ITGA9: variants seen among roughly 807,000 people sequenced by gnomAD.
ITGA9 encodes integrin subunit alpha 9.
Under a neutral mutation model 127.8 loss-of-function variants are expected in ITGA9, and 56 were observed. The ratio of observed to expected loss-of-function variants is 0.44; its 90% CI spans 0.35 to 0.55. The LOEUF (loss-of-function observed/expected upper bound fraction) is 0.55. ITGA9 is among the 20% of genes least tolerant of loss of function. The pLI is 0.00. For missense variants in ITGA9, 1,196 were observed against 1,347.1 expected, an observed-to-expected ratio of 0.89 and a Z score of 1.76; for synonymous variants, 508 against 514.5, an observed-to-expected ratio of 0.99 and a Z score of 0.17.
intron 14 of ITGA9, among the ~76,000 whole-genome samples, chr3:37,537,074 A>G (rs1464199301): frequency 1.3e-5 from 2 of 152,232 alleles, no homozygotes; most frequent in African/African-American, 2.4e-5. Flanking sequence ...GTTCAAGGTT[A>G]TACTTCGGGT....
Position 37,519,353 on chromosome 3 carries a change from T to C in ITGA9, c.1235T>C (p.Met412Thr). ...GGTGGGATAGTCCCTCAGTACTCAA[T>C]GGTAATTAGTGTGAGAGTGATATGG... ...DAGGIVPQYS[M>T]KLSGQKINPV... The change falls in exon 11 of 28, where the codon ATG (methionine) becomes ACG (threonine). Residue 412 changes from methionine to threonine, a missense_variant and splice_region_variant. Met to Thr is a moderately conservative substitution (Grantham distance 81, BLOSUM62 -1). Transcript: ENST00000264741. 1 of 1,609,630 alleles carries C rather than the reference T, an allele frequency of 6.2e-7. No homozygotes were observed. The highest frequency in any genetic ancestry group is 1.3e-5 in the African/African-American group (1 of 74,946).
intron 25 of ITGA9, 37 bp downstream of exon 25, chr3:37,780,058 G>A (rs1696958382): frequency 7.4e-6 from 12 of 1,611,542 alleles, no homozygotes; most frequent in Non-Finnish European, 1.0e-5. Context: ...GATGCATTTA[G>A]AAGCATTTGA....
chr3:37,653,794 T>G lies in ITGA9; in HGVS notation c.1916+4T>G, dbSNP rs1335901415. ...AGGGTAAACTGCTGCTCTCCAGGTATGTCGGTGTTTCCTTCAGAGCATTGT... is the reference window on the plus strand; with the variant it reads ...AGGGTAAACTGCTGCTCTCCAGGTAGGTCGGTGTTTCCTTCAGAGCATTGT... On this transcript the variant is annotated splice_donor_region_variant and intron_variant, in intron 17 of 27. Coordinates refer to ENST00000264741, the MANE Select transcript of ITGA9 (RefSeq NM_002207.3). 1 of 1,609,624 alleles carries G rather than the reference T, an allele frequency of 6.2e-7. No homozygotes were observed. Among genetic ancestry groups the G allele is most frequent in the African/African-American group, 1.3e-5 (1 of 74,814 alleles).
At chr3:37,470,502 G>A (rs1245259496) in intron 1 of ITGA9, among the ~76,000 whole-genome samples, 2 of 152,150 alleles carry the variant, frequency 1.3e-5, no homozygotes, top group Admixed American at 1.3e-4. Context: ...CTTTTGTGAA[G>A]TATCTATGCT....
rs75287787 is a variant in ITGA9, at chr3:37,732,133, C to T, written c.2068-579C>T. Among the ~76,000 whole-genome samples the T allele has an allele frequency of 1.9e-3, 284 of 152,338 alleles. 2 individuals are homozygous for T. Among genetic ancestry groups the T allele is most frequent in the African/African-American group, 4.2e-3 (176 of 41,580 alleles). On this transcript the variant is annotated intron_variant, in intron 18 of 27. Transcript: ENST00000264741. The stretch of plus-strand genomic sequence containing the variant: ...AGCAGTTCCCTACAGCCTTTCTCTT[C>T]TGTTTCTCTCAAGTCGCTGTGTGCA...
chr3:37,504,405 T>C (rs1698819427), intron 6 of ITGA9, among the ~76,000 whole-genome samples: 1 of 152,102 alleles, frequency 6.6e-6, no homozygotes, highest in Admixed American at 6.5e-5. Context: ...GGTATGAGCT[T>C]GTGGTTTCTG....
At chr3:37,580,772 A>G (rs1276947898) in intron 15 of ITGA9, among the ~76,000 whole-genome samples, 1 of 152,142 alleles carries the variant, frequency 6.6e-6, no homozygotes, top group Non-Finnish European at 1.5e-5. Context: ...AAGGAATCCT[A>G]GGGGCTTCCT....
chr3:37,684,108 G>C lies in ITGA9; in HGVS notation c.2067+93G>C, dbSNP rs912577913. ...CCTGGAATAGGCAATGATTCTACAA[G>C]CACTAATCCTTTCTGTGGACTATCA... is the stretch of plus-strand genomic sequence containing the variant. On this transcript the variant is annotated intron_variant, in intron 18 of 27. Transcript: ENST00000264741. The C allele has an allele frequency of 5.6e-6, 6 of 1,071,314 alleles. No individual in the cohort carries two copies. The African/African-American group carries it at 9.3e-5, about 17-fold the overall frequency. The allele number at this position is 1,071,314 out of a possible 1,614,324, so 66.4% of individuals were successfully genotyped here. A position where few individuals can be genotyped will look rare whatever the true frequency, so the allele number is the denominator to read the frequency against.
At chr3:37,680,567 G>A (rs1700726018) in intron 17 of ITGA9, among the ~76,000 whole-genome samples, 1 of 152,142 alleles carries the variant, frequency 6.6e-6, no homozygotes, top group African/African-American at 2.4e-5. Context: ...TTACATATAA[G>A]GAAAGGAAGC....
chr3:37,699,164 C>T (rs377395821), intron 18 of ITGA9, among the ~76,000 whole-genome samples: 3 of 152,262 alleles, frequency 2.0e-5, no homozygotes, highest in South Asian at 2.1e-4. Context: ...TCTGTGTATA[C>T]GCATTCCCTG....
chr3:37,516,766 G>T (rs954590170), intron 9 of ITGA9, among the ~76,000 whole-genome samples: 2 of 152,200 alleles, frequency 1.3e-5, no homozygotes, highest in South Asian at 4.2e-4. Context: ...ATCTTCTCAT[G>T]TCTCAGGACA....
chr3:37,689,230 G>A (rs1384178902), intron 18 of ITGA9, among the ~76,000 whole-genome samples: 2 of 152,194 alleles, frequency 1.3e-5, no homozygotes, highest in Admixed American at 1.3e-4. Flanking sequence ...GGATTTTTCT[G>A]TCTTCTAATG....
In ITGA9 at chr3:37,741,742, G is replaced by A. The variant is rs1476701981; in HGVS notation, c.2247G>A (p.Glu749=). The change falls in exon 21 of 28, where the codon GAG becomes GAA. Residue 749 remains glutamate, a synonymous_variant. Coordinates refer to ENST00000264741, the MANE Select transcript of ITGA9 (RefSeq NM_002207.3). The part of the protein sequence containing the change: ...FIVTAQSGNT[E]RSESLHDNTL... ...TCTCTCTGCACAGTGGCAACACGGA[G>A]CGCTCTGAATCCCTGCATGACAACA... The A allele has an allele frequency of 6.2e-7, 1 of 1,613,674 alleles. No individual in the cohort carries two copies. Among genetic ancestry groups the A allele is most frequent in the Admixed American group, 1.7e-5 (1 of 59,974 alleles).
intron 4 of ITGA9, among the ~76,000 whole-genome samples, chr3:37,489,315 T>A (rs1698642824): frequency 6.6e-6 from 1 of 152,242 alleles, no homozygotes; most frequent in South Asian, 2.1e-4. Flanking sequence ...CAGAAGCAGA[T>A]CAGAAGTTGG....
intron 15 of ITGA9, among the ~76,000 whole-genome samples, chr3:37,576,689 C>T (rs7613065): frequency 0.057 from 8,715 of 152,278 alleles, 320 homozygotes; most frequent in Non-Finnish European, 0.084. Flanking sequence ...TCACTGCAAC[C>T]TCCGCCTCCC....
chr3:37,471,124 C>T lies in ITGA9; in HGVS notation c.303C>T (p.Asp101=), dbSNP rs745721485. The stretch of plus-strand genomic sequence containing the variant: ...CTGACCGGAGATGCACCGAACTGGA[C>T]ATGGCTCGAGGTGGGTGACCATTAC... ...TNPDRRCTEL[D]MARGKNRGTS... The change falls in exon 2 of 28, where the codon GAC becomes GAT. Residue 101 remains aspartate (D), a synonymous_variant. Transcript: ENST00000264741. 6.2e-7 allele frequency: 1 copy of T among 1,614,010 alleles called. No individual in the cohort carries two copies. The highest frequency in any genetic ancestry group is 8.5e-7 in the Non-Finnish European group (1 of 1,179,972).
At chr3:37,779,835 T>A in intron 24 of ITGA9, 67 bp from the exon 25 acceptor site, 1 of 1,543,472 alleles carries the variant, frequency 6.5e-7, no homozygotes, top group East Asian at 2.3e-5. Flanking sequence ...CCCACTACTC[T>A]GTAAATTGTT....
intron 15 of ITGA9, among the ~76,000 whole-genome samples, chr3:37,586,927 C>T (rs1298460739): frequency 1.3e-5 from 2 of 152,174 alleles, no homozygotes; most frequent in Admixed American, 6.5e-5. Context: ...CTGTCTTTTG[C>T]AAAATCTATG....
At chr3:37,464,116 AGTGTGTGTGTGT>A (rs10603611) in intron 1 of ITGA9, among the ~76,000 whole-genome samples, 33 of 144,268 alleles carry the variant, frequency 2.3e-4, no homozygotes, top group African/African-American at 4.3e-4. Context: ...AGAAGGTGTG[AGTGTGTGTGTGT>A]GTGTGTGTGT....
Sources: gnomAD v4.1 joint callset for allele counts (sites outside exome capture counted in the v4.1 genomes callset) on GRCh38, gnomAD v4.1.1 for gene constraint, MANE v1.5 for transcripts, NCBI Gene and HGNC (gene_info 2026-07-23, HGNC 2026-07-21) for gene names.